Variants in PCDHGA3 observed in about 807,000 individuals in gnomAD.
PCDHGA3 encodes protocadherin gamma subfamily A, 3.
A neutral mutation model predicts 58.5 loss-of-function variants in PCDHGA3; 40 were observed. The ratio of observed to expected loss-of-function variants is 0.68; its 90% CI spans 0.53 to 0.89. PCDHGA3 has a LOEUF of 0.89. PCDHGA3 is among the 40% of genes least tolerant of loss of function. The pLI, the probability that PCDHGA3 is intolerant of heterozygous loss-of-function variation, is 0.00. For missense variants in PCDHGA3, 1,223 were observed against 1,195.9 expected, an observed-to-expected ratio of 1.02 and a Z score of -0.33; for synonymous variants, 530 against 525.7, an observed-to-expected ratio of 1.01 and a Z score of -0.11.
rs2099694919 is a variant in PCDHGA3, at chr5:141,490,016, C to T, written c.2425-4791C>T. The T allele has an allele frequency of 6.2e-7, 1 of 1,614,158 alleles. No individual in the cohort carries two copies. The highest frequency in any genetic ancestry group is 8.5e-7 in the Non-Finnish European group (1 of 1,180,060). On this transcript the variant is annotated intron_variant, in intron 1 of 3. Transcript: ENST00000253812. This position sits in a 1 kb window ranked among gnomAD's most constrained non-coding sequence, Gnocchi z 5.4. ...ATCCCAGAGAATGCACCCATTGGTACTCTGCTGCTCCGCCTCAATGCCACT... is the reference window on the plus strand; with the variant it reads ...ATCCCAGAGAATGCACCCATTGGTATTCTGCTGCTCCGCCTCAATGCCACT...
chr5:141,394,325 T>G (rs563526295), intron 1 of PCDHGA3: 3 of 1,614,012 alleles, frequency 1.9e-6, no homozygotes, highest in South Asian at 2.2e-5. Flanking sequence ...TGTCCTCGTA[T>G]ATCTCCATCA....
At chr5:141,395,410 AT>A (rs1180706569) in intron 1 of PCDHGA3, 2 of 801,646 alleles carry the variant, frequency 2.5e-6, no homozygotes, top group African/African-American at 3.5e-5. Flanking sequence ...GTCATAGGTT[AT>A]TGTTTCATTT....
chr5:141,372,752 T>C (rs746659165), intron 1 of PCDHGA3: 9 of 1,613,300 alleles, frequency 5.6e-6, no homozygotes, highest in Non-Finnish European at 7.6e-6. Flanking sequence ...ATGAAGCCTC[T>C]TGGTTTGAAA....
chr5:141,398,528 C>T (rs1355149152), intron 1 of PCDHGA3: 2 of 1,613,386 alleles, frequency 1.2e-6, no homozygotes, highest in Non-Finnish European at 1.7e-6. Flanking sequence ...CCAAAATTCA[C>T]GCAAAATTCC....
intron 1 of PCDHGA3, chr5:141,372,218 T>G: frequency 3.1e-6 from 5 of 1,613,544 alleles, no homozygotes; most frequent in Non-Finnish European, 4.2e-6. Context: ...CCTACCACAT[T>G]GTGCAGGCCA....
chr5:141,413,288 C>T (rs2095623576), intron 1 of PCDHGA3: 2 of 1,613,950 alleles, frequency 1.2e-6, no homozygotes, highest in East Asian at 4.5e-5. Flanking sequence ...ATCTCCTACT[C>T]AATTCCTGAG....
chr5:141,350,258 G>A, intron 1 of PCDHGA3: 1 of 1,510,816 alleles, frequency 6.6e-7, no homozygotes, highest in East Asian at 2.3e-5. Context: ...GAGAGTTCCT[G>A]AAATGCAGAG....
Position 141,512,106 on chromosome 5 carries a change from T to A in PCDHGA3, c.*933T>A, listed in dbSNP as rs2099884076. 6.6e-6 allele frequency: 1 copy of A among 152,630 alleles called. No homozygotes were observed. Among genetic ancestry groups the A allele is most frequent in the Non-Finnish European group, 1.5e-5 (1 of 68,060 alleles). 9.5% of individuals were successfully genotyped at this position (152,630 alleles called of 1,614,324 possible). On this transcript the variant is annotated 3_prime_UTR_variant, in exon 4 of 4. Transcript: ENST00000253812. ...TAAACCAATAACTAGGCTGGACCCT[T>A]CCCACTACATAATAGGGCTCAGCCC...
intron 1 of PCDHGA3, chr5:141,370,541 C>T (rs760146561): frequency 5.0e-6 from 8 of 1,613,924 alleles, no homozygotes; most frequent in Non-Finnish European, 5.9e-6. Flanking sequence ...TGGTAGGGAA[C>T]CTCGCCAAGG....
intron 1 of PCDHGA3, chr5:141,389,444 C>T: frequency 6.2e-7 from 1 of 1,610,564 alleles, no homozygotes; most frequent in South Asian, 1.1e-5. Flanking sequence ...CCTTCGACCA[C>T]GAGCAGCTGC....
At chr5:141,403,688 A>G (rs1385402830) in intron 1 of PCDHGA3, 1 of 1,613,836 alleles carries the variant, frequency 6.2e-7, no homozygotes, top group Non-Finnish European at 8.5e-7. Flanking sequence ...TGCTCAACGG[A>G]TTTACCGAGT....
intron 2 of PCDHGA3, 99 bp from the exon 3 acceptor site, chr5:141,505,294 G>T: frequency 6.4e-7 from 1 of 1,572,086 alleles, no homozygotes; most frequent in Non-Finnish European, 8.6e-7. Context: ...GCATGGGGTA[G>T]GGTTAGGGTA....
intron 1 of PCDHGA3, chr5:141,419,649 A>C: frequency 6.2e-7 from 1 of 1,612,422 alleles, no homozygotes; most frequent in Non-Finnish European, 8.5e-7. Context: ...GTGGACGCGG[A>C]CTCGGGGCAC....
At chr5:141,430,584 G>A (rs1451886397) in intron 1 of PCDHGA3, 3 of 495,136 alleles carry the variant, frequency 6.1e-6, no homozygotes, top group African/African-American at 5.9e-5. Flanking sequence ...GATCCTGCTC[G>A]CCTTGCACGC....
In PCDHGA3 at chr5:141,398,897, C is replaced by A. The variant is rs761364649; in HGVS notation, c.2424+52440C>A. On this transcript the variant is annotated intron_variant, in intron 1 of 3. Coordinates refer to ENST00000253812, the MANE Select transcript of PCDHGA3 (RefSeq NM_018916.4). The stretch of plus-strand genomic sequence containing the variant: ...GTCAGCCTTCGGGAAAACGTGCCAC[C>A]AGGCACCACTGTGTTGCAAGTGTCA... 6 of 1,613,932 alleles carry A rather than the reference C, an allele frequency of 3.7e-6. No homozygotes were observed. The South Asian group carries it at 6.6e-5, about 18-fold the overall frequency.
At chr5:141,380,987 C>G (rs1776914459) in intron 1 of PCDHGA3, among the ~76,000 whole-genome samples, 1 of 152,202 alleles carries the variant, frequency 6.6e-6, no homozygotes. Context: ...GAATTTAACT[C>G]CAGTTTACAG....
chr5:141,486,391 C>T lies in PCDHGA3; in HGVS notation c.2425-8416C>T. The T allele has an allele frequency of 6.2e-7, 1 of 1,614,112 alleles. No individual in the cohort carries two copies. The highest frequency in any genetic ancestry group is 8.5e-7 in the Non-Finnish European group (1 of 1,179,984). Reference sequence around the variant, plus strand: ...AGTCTGCCTTCAGGAACCAGTTCTCCCTGGTGACTGCTGGACCCTTGGATC... The same window carrying T: ...AGTCTGCCTTCAGGAACCAGTTCTCTCTGGTGACTGCTGGACCCTTGGATC... On this transcript the variant is annotated intron_variant, in intron 1 of 3. Transcript: ENST00000253812. The surrounding 1 kb of genome is among the most constrained non-coding windows in gnomAD (Gnocchi z 5.0).
chr5:141,491,110 C>T lies in PCDHGA3; in HGVS notation c.2425-3697C>T. On this transcript the variant is annotated intron_variant, in intron 1 of 3. Transcript: ENST00000253812. This position sits in a 1 kb window ranked among gnomAD's most constrained non-coding sequence, Gnocchi z 6.9. ...CCCAGGACTGTTCCTCGTGTCTACA[C>T]ACACTGGTGAGGTGCGCACAGCCCG... 3.7e-6 allele frequency: 6 copies of T among 1,614,212 alleles called. No individual in the cohort carries two copies. Among genetic ancestry groups the T allele is most frequent in the Non-Finnish European group, 5.1e-6 (6 of 1,180,024 alleles).
chr5:141,414,517 G>C, intron 1 of PCDHGA3: 1 of 1,613,964 alleles, frequency 6.2e-7, no homozygotes, highest in South Asian at 1.1e-5. Context: ...ACAAGTGGCA[G>C]ATATCAATGA....
Sources: allele counts gnomAD v4.1 joint callset (sites outside exome capture counted in the v4.1 genomes callset), GRCh38; gene constraint gnomAD v4.1.1; non-coding constraint Gnocchi (gnomAD v3.1); transcripts MANE v1.5; gene names NCBI Gene and HGNC (gene_info 2026-07-23, HGNC 2026-07-21).